NAALADL2: variants seen among roughly 807,000 people sequenced by gnomAD.
The protein encoded by NAALADL2 is N-acetylated alpha-linked acidic dipeptidase like 2, also known as inactive N-acetylated-alpha-linked acidic dipeptidase-like protein 2.
In NAALADL2, 76 loss-of-function variants were observed where a neutral mutation model predicts 87.2. The ratio of observed to expected loss-of-function variants is 0.87; its 90% CI spans 0.72 to 1.05. NAALADL2 has a LOEUF of 1.05. Among genes scored for constraint, NAALADL2 ranks in the 50% least tolerant of loss-of-function variants. The probability of loss-of-function intolerance (pLI) is 0.00; values close to 1 mark genes in which losing one functional copy is unlikely to be tolerated. For missense variants in NAALADL2, 1,089 were observed against 945.8 expected, an observed-to-expected ratio of 1.15 and a Z score of -1.99; for synonymous variants, 354 against 331.0, an observed-to-expected ratio of 1.07 and a Z score of -0.75.
chr3:175,540,077 C>T (rs1253010730), intron 9 of NAALADL2, among the ~76,000 whole-genome samples: 1 of 152,070 alleles, frequency 6.6e-6, no homozygotes, highest in African/African-American at 2.4e-5. Flanking sequence ...ATACGTGTTC[C>T]CGTAATTTTT....
At chr3:174,627,185 A>G (rs970411954) in intron 2 of NAALADL2, among the ~76,000 whole-genome samples, 2 of 152,152 alleles carry the variant, frequency 1.3e-5, no homozygotes, top group East Asian at 3.8e-4. Flanking sequence ...CAGTGAATAA[A>G]TTATTTCAAG....
intron 11 of NAALADL2, among the ~76,000 whole-genome samples, chr3:175,681,847 T>C (rs1351943512): frequency 1.3e-5 from 2 of 152,200 alleles, no homozygotes; most frequent in African/African-American, 4.8e-5. Context: ...CTTTGCTGAA[T>C]GTGAAATTAG....
intron 2 of NAALADL2, among the ~76,000 whole-genome samples, chr3:175,148,824 A>G (rs1252782197): frequency 1.3e-5 from 2 of 152,256 alleles, no homozygotes; most frequent in East Asian, 1.9e-4. Context: ...TACCAGTACC[A>G]TTCTGTTTTG....
chr3:174,466,001 G>A (rs151268878), intron 1 of NAALADL2, among the ~76,000 whole-genome samples: 35 of 152,258 alleles, frequency 2.3e-4, no homozygotes, highest in African/African-American at 7.0e-4. Flanking sequence ...TCACACAGTG[G>A]TGGTAGAGTA....
At chr3:175,628,898 T>A (rs1041453975) in intron 11 of NAALADL2, among the ~76,000 whole-genome samples, 1 of 150,292 alleles carries the variant, frequency 6.7e-6, no homozygotes, top group Non-Finnish European at 1.5e-5. Context: ...GAGTTTGAAT[T>A]ACATTTTACT....
At chr3:175,200,507 C>T (rs1325598641) in intron 2 of NAALADL2, among the ~76,000 whole-genome samples, 1 of 152,112 alleles carries the variant, frequency 6.6e-6, no homozygotes, top group Non-Finnish European at 1.5e-5. Flanking sequence ...TGATTATCTC[C>T]AGAATCAGTT....
At chr3:175,705,817 A>G (rs1739609204) in intron 11 of NAALADL2, among the ~76,000 whole-genome samples, 1 of 152,128 alleles carries the variant, frequency 6.6e-6, no homozygotes, top group African/African-American at 2.4e-5. Context: ...GACCCAGATC[A>G]TCTCATTCCT....
chr3:175,741,334 G>A (rs1745208000), intron 12 of NAALADL2, among the ~76,000 whole-genome samples: 1 of 152,094 alleles, frequency 6.6e-6, no homozygotes, highest in African/African-American at 2.4e-5. Flanking sequence ...TTTTAAAAGG[G>A]CACTAATTTA....
chr3:175,477,455 T>C (rs538804698), intron 9 of NAALADL2, among the ~76,000 whole-genome samples: 2 of 152,244 alleles, frequency 1.3e-5, no homozygotes, highest in Non-Finnish European at 2.9e-5. Context: ...GTAACTTTGT[T>C]TGGAAAACAC....
chr3:174,496,878 A>G (rs957421551), intron 1 of NAALADL2, among the ~76,000 whole-genome samples: 1 of 145,292 alleles, frequency 6.9e-6, no homozygotes, highest in South Asian at 2.4e-4. Context: ...TAAGATCTAG[A>G]CTGAATGTGT....
At chr3:175,071,402 T>C (rs114261467) in intron 1 of NAALADL2, among the ~76,000 whole-genome samples, 3,401 of 152,220 alleles carry the variant, frequency 0.022, 122 homozygotes, top group African/African-American at 0.079. Flanking sequence ...CATTTGCTTC[T>C]ATTAAATTAT....
chr3:175,552,305 T>C (rs866931584), intron 9 of NAALADL2, among the ~76,000 whole-genome samples: 7 of 152,194 alleles, frequency 4.6e-5, no homozygotes, highest in African/African-American at 1.4e-4. Flanking sequence ...CACTAATAAA[T>C]GATGTCTTCA....
intron 9 of NAALADL2, among the ~76,000 whole-genome samples, chr3:175,475,707 A>G (rs1195322461): frequency 1.3e-5 from 2 of 152,136 alleles, no homozygotes; most frequent in African/African-American, 2.4e-5. Context: ...GGGGACAGAC[A>G]GTGTTTTTTT....
intron 3 of NAALADL2, among the ~76,000 whole-genome samples, chr3:174,767,570 C>A (rs1713979234): frequency 6.6e-6 from 1 of 152,046 alleles, no homozygotes; most frequent in South Asian, 2.1e-4. Flanking sequence ...ATGACGCTCA[C>A]AGGAAGCTAT....
chr3:174,463,127 T>C (rs1178996643), intron 1 of NAALADL2, among the ~76,000 whole-genome samples: 2 of 152,198 alleles, frequency 1.3e-5, no homozygotes, highest in East Asian at 3.9e-4. Context: ...ACAGTTTTGT[T>C]ACTGAATCTG....
At chr3:175,411,744 A>G (rs977518882) in intron 5 of NAALADL2, among the ~76,000 whole-genome samples, 1 of 152,090 alleles carries the variant, frequency 6.6e-6, no homozygotes, top group Non-Finnish European at 1.5e-5. Context: ...AAACAAAAGT[A>G]TTTTAATTTT....
intron 10 of NAALADL2, among the ~76,000 whole-genome samples, chr3:175,604,223 AT>A (rs1286934992): frequency 6.6e-6 from 1 of 150,704 alleles, no homozygotes; most frequent in African/African-American, 2.4e-5. Flanking sequence ...TCATAGTTAT[AT>A]TTTTTCATAG....
intron 1 of NAALADL2, among the ~76,000 whole-genome samples, chr3:175,024,693 AG>A (rs920034688): frequency 6.6e-6 from 1 of 150,858 alleles, no homozygotes; most frequent in Non-Finnish European, 1.5e-5. Flanking sequence ...AGGATATCAG[AG>A]TGAAAAAGAG....
chr3:175,023,386 T>C (rs964054203), intron 1 of NAALADL2, among the ~76,000 whole-genome samples: 2 of 152,086 alleles, frequency 1.3e-5, no homozygotes, highest in Admixed American at 6.6e-5. Context: ...AGACAGATAA[T>C]AGTCTAGTAG....
Sources: gnomAD v4.1 joint callset for allele counts (sites outside exome capture counted in the v4.1 genomes callset) on GRCh38, gnomAD v4.1.1 for gene constraint, MANE v1.5 for transcripts, NCBI Gene and HGNC (gene_info 2026-07-23, HGNC 2026-07-21) for gene names.